WDR36: variants seen among roughly 807,000 people sequenced by gnomAD.
WDR36 encodes WD repeat domain 36.
A neutral mutation model predicts 112.7 loss-of-function variants in WDR36; 63 were observed. That is an observed-to-expected ratio of 0.56 (90% CI 0.46 to 0.69). The LOEUF is 0.69. Ranked by LOEUF, WDR36 falls within the 30% of genes least tolerant of loss-of-function variation. The probability of loss-of-function intolerance (pLI) is 0.00; values close to 1 mark genes in which losing one functional copy is unlikely to be tolerated. For synonymous variants in WDR36, 410 were observed against 362.2 expected (o/e 1.13, Z -1.50); for missense variants, 1,226 against 1,070.3 (o/e 1.15, Z -2.03).
rs1015037315 is a variant in WDR36, at chr5:111,127,359, G to A, written c.*476G>A. On this transcript the variant is annotated 3_prime_UTR_variant, in exon 23 of 23. Coordinates refer to ENST00000513710, the MANE Select transcript of WDR36 (RefSeq NM_139281.3). ...AGAGATGCTGCATGTTCACTGTGAA[G>A]TATTGCTGAATTAAATTGAAAATGT... 5.0e-5 allele frequency: 10 copies of A among 200,680 alleles called. No individual in the cohort carries two copies. The highest frequency in any genetic ancestry group is 1.0e-4 in the Non-Finnish European group (10 of 97,464). The allele number at this position is 200,680 out of a possible 1,614,324, so 12.4% of individuals were successfully genotyped here.
At chr5:111,092,738 C>A in intron 1 of WDR36, 120 bp downstream of exon 1, 1 of 1,202,514 alleles carries the variant, frequency 8.3e-7, no homozygotes, top group Admixed American at 2.0e-5. Context: ...TTAACCCCTC[C>A]CTGTCCTATT....
At position 111,125,688 on chromosome 5, in the gene WDR36, G is replaced by C. The variant is rs1233884962; in HGVS notation, c.2431G>C (p.Gly811Arg). 2 of 1,613,776 alleles carry C rather than the reference G, an allele frequency of 1.2e-6. No individual in the cohort carries two copies. Among genetic ancestry groups the C allele is most frequent in the Non-Finnish European group, 1.7e-6 (2 of 1,179,874 alleles). Residue 811 changes from glycine to arginine, a missense_variant, in exon 22 of 23, where the codon GGT becomes CGT. By Grantham distance (125) the Gly-to-Arg change is moderately radical (BLOSUM62 -2). Coordinates refer to ENST00000513710, the MANE Select transcript of WDR36 (RefSeq NM_139281.3). ...TELRSLSPDC[G>R]GSIEVMQSFL... ...GCTGCGAAGCTTGTCTCCTGATTGTGGTGGGTCCATAGAAGTTATGCAGAG... is the reference window on the plus strand; with the variant it reads ...GCTGCGAAGCTTGTCTCCTGATTGTCGTGGGTCCATAGAAGTTATGCAGAG...
chr5:111,126,756 C>G lies in WDR36; in HGVS notation c.2561C>G (p.Ser854Ter), dbSNP rs1191474426. The G allele has an allele frequency of 6.2e-7, 1 of 1,613,658 alleles. No individual in the cohort carries two copies. The highest frequency in any genetic ancestry group is 2.2e-5 in the East Asian group (1 of 44,850). ...FLKLHLKMLP[S>*]EPVLLEEITN... ...CAGTTACACCTTAAAATGCTTCCTT[C>G]AGAGCCAGTACTCCTAGAAGAAATA... The change falls in exon 23 of 23, where the codon TCA becomes TGA. Residue 854 changes from serine (S) to a stop codon, truncating the protein, a stop_gained. Transcript: ENST00000513710. LOFTEE classifies it high-confidence loss of function.
Position 111,124,118 on chromosome 5 carries a change from T to C in WDR36, c.2279T>C (p.Val760Ala). Residue 760 changes from valine to alanine, a missense_variant, in exon 21 of 23, where the codon GTA (valine) becomes GCA (alanine). Coordinates refer to ENST00000513710, the MANE Select transcript of WDR36 (RefSeq NM_139281.3). ...QNNDPQQSKV[V>A]NLGVLAQKSD... ...TTGTTTTTGTTTAAGTCTAAAGTGGTAAATCTTGGAGTTTTGGCTCAAAAA... is the reference window on the plus strand; with the variant it reads ...TTGTTTTTGTTTAAGTCTAAAGTGGCAAATCTTGGAGTTTTGGCTCAAAAA... 1.2e-6 allele frequency: 2 copies of C among 1,613,076 alleles called. No individual in the cohort carries two copies. The highest frequency in any genetic ancestry group is 1.7e-6 in the Non-Finnish European group (2 of 1,179,536).
chr5:111,093,646 C>G lies in WDR36; in HGVS notation c.162+1028C>G, dbSNP rs147388627. Among the ~76,000 whole-genome samples the G allele has an allele frequency of 3.5e-4, 53 of 152,294 alleles. No individual in the cohort carries two copies. The East Asian group carries it at 7.7e-3, about 22-fold the overall frequency. On this transcript the variant is annotated intron_variant, in intron 1 of 22. Coordinates refer to ENST00000513710, the MANE Select transcript of WDR36 (RefSeq NM_139281.3). ...CCTTGCTTGCTAACTTTTGCTTTTG[C>G]TGGTTAATGTTTTCTTCCTTGAAAT... is the stretch of plus-strand genomic sequence containing the variant.
At chr5:111,101,363 A>T (rs1753116608) in intron 5 of WDR36, among the ~76,000 whole-genome samples, 1 of 151,944 alleles carries the variant, frequency 6.6e-6, no homozygotes, top group Non-Finnish European at 1.5e-5. Flanking sequence ...TAATGAGATT[A>T]TTACTAGGGA....
At chr5:111,117,762 A>C (rs1229159562) in intron 16 of WDR36, among the ~76,000 whole-genome samples, 1 of 152,210 alleles carries the variant, frequency 6.6e-6, no homozygotes, top group Non-Finnish European at 1.5e-5. Context: ...ATTAATGTAC[A>C]TCCGGAACTT....
At chr5:111,112,616 G>T (rs1753365866) in intron 15 of WDR36, among the ~76,000 whole-genome samples, 1 of 151,808 alleles carries the variant, frequency 6.6e-6, no homozygotes, top group Non-Finnish European at 1.5e-5. Flanking sequence ...AATAATGGGT[G>T]GCATAAGTAG....
intron 11 of WDR36, 144 bp downstream of exon 11, chr5:111,106,287 G>C: frequency 1.4e-6 from 1 of 740,306 alleles, no homozygotes; most frequent in Non-Finnish European, 2.4e-6. Context: ...TGCTGGTCTT[G>C]TGTGAAGACT....
Position 111,098,803 on chromosome 5 carries a change from G to A in WDR36, c.373G>A (p.Asp125Asn), listed in dbSNP as rs1438553782. Residue 125 changes from aspartate to asparagine, a missense_variant, in exon 4 of 23, where the codon GAT (aspartate) becomes AAT (asparagine). Transcript: ENST00000513710. ...FGDHIISVDTDGILIIWHIYS... is the reference protein window; with the variant it reads ...FGDHIISVDTNGILIIWHIYS... ...AGACCACATTATCTCTGTTGATACT[G>A]ATGGCATTCTTATTATTTGGCACAT... The A allele has an allele frequency of 6.2e-7, 1 of 1,611,970 alleles. No individual in the cohort carries two copies. The highest frequency in any genetic ancestry group is 8.5e-7 in the Non-Finnish European group (1 of 1,178,426).
intron 18 of WDR36, 39 bp from the exon 19 acceptor site, chr5:111,120,957 G>A: frequency 3.2e-6 from 5 of 1,555,254 alleles, no homozygotes; most frequent in Non-Finnish European, 4.4e-6. Flanking sequence ...GCTTTTATAT[G>A]ATAAAAATCT....
At chr5:111,121,183 G>A (rs1753559689) in intron 19 of WDR36, 42 bp downstream of exon 19, 1 of 1,609,394 alleles carries the variant, frequency 6.2e-7, no homozygotes, top group African/African-American at 1.3e-5. Context: ...CATGCATCCA[G>A]AAGCATTTTT....
At chr5:111,121,263 A>G (rs1753561094) in intron 19 of WDR36, 122 bp downstream of exon 19, 1 of 975,830 alleles carries the variant, frequency 1.0e-6, no homozygotes, top group Non-Finnish European at 1.6e-6. Context: ...GTAAGACAGC[A>G]CTGACAATGC....
At chr5:111,093,437 G>T (rs887487529) in intron 1 of WDR36, among the ~76,000 whole-genome samples, 1 of 152,132 alleles carries the variant, frequency 6.6e-6, no homozygotes, top group African/African-American at 2.4e-5. Flanking sequence ...ATATCAAATG[G>T]CTTATTAGCA....
chr5:111,112,128 G>A (rs1580398951), intron 15 of WDR36, among the ~76,000 whole-genome samples: 2 of 151,930 alleles, frequency 1.3e-5, no homozygotes, highest in East Asian at 3.8e-4. Context: ...GTAGAAATGA[G>A]GGTGGGATTG....
chr5:111,102,258 T>G, intron 5 of WDR36, 87 bp from the exon 6 acceptor site: 2 of 961,578 alleles, frequency 2.1e-6, no homozygotes, highest in Non-Finnish European at 3.2e-6. Flanking sequence ...ATATCACCTA[T>G]TATTATTTCA....
chr5:111,113,042 A>C, intron 15 of WDR36, 32 bp from the exon 16 acceptor site: 1 of 385,768 alleles, frequency 2.6e-6, no homozygotes, highest in Non-Finnish European at 3.8e-6. Context: ...AATAATATAT[A>C]TATATATATA....
chr5:111,105,523 T>C (rs1753206817), intron 10 of WDR36, among the ~76,000 whole-genome samples, 163 bp downstream of exon 10: 1 of 151,614 alleles, frequency 6.6e-6, no homozygotes, highest in South Asian at 2.1e-4. Context: ...AAAGTTGCTA[T>C]AGAAGTGATT....
intron 9 of WDR36, among the ~76,000 whole-genome samples, 186 bp downstream of exon 9, chr5:111,105,003 A>C (rs1047446728): frequency 6.6e-6 from 1 of 151,608 alleles, no homozygotes; most frequent in Non-Finnish European, 1.5e-5. Context: ...ATCTATGCTT[A>C]ATGTGTCCTT....
Sources: allele counts gnomAD v4.1 joint callset (sites outside exome capture counted in the v4.1 genomes callset), GRCh38; gene constraint gnomAD v4.1.1; transcripts MANE v1.5; gene names NCBI Gene and HGNC (gene_info 2026-07-23, HGNC 2026-07-21).